The following PRKN variants were observed in gnomAD, a reference collection of about 807,000 sequenced individuals.
The protein encoded by PRKN is parkin RBR E3 ubiquitin protein ligase.
Under a neutral mutation model 59.5 loss-of-function variants are expected in PRKN, and 56 were observed. The observed-to-expected ratio is 0.94, with a 90% CI of 0.76 to 1.18. The LOEUF is 1.18. PRKN is among the 50% of genes most tolerant of loss of function. The pLI is 0.00. For missense variants in PRKN, 657 were observed against 596.4 expected, an observed-to-expected ratio of 1.10 and a Z score of -1.06; for synonymous variants, 250 against 222.1, an observed-to-expected ratio of 1.13 and a Z score of -1.12.
At chr6:162,452,079 G>A (rs1414533535) in intron 1 of PRKN, among the ~76,000 whole-genome samples, 1 of 152,076 alleles carries the variant, frequency 6.6e-6, no homozygotes, top group Admixed American at 6.6e-5. Flanking sequence ...AGAAGTGACG[G>A]CACAATATTA....
chr6:162,633,432 C>CAAAAAAAAAAAAAAAAAA (rs531688324), intron 1 of PRKN, among the ~76,000 whole-genome samples: 1 of 61,846 alleles, frequency 1.6e-5, no homozygotes, highest in Non-Finnish European at 2.7e-5. Context: ...AAGACTGTCT[C>CAAAAAAAAAAAAAAAAAA]AAAAAAAAAA....
At chr6:161,573,034 G>T (rs1177263122) in intron 7 of PRKN, among the ~76,000 whole-genome samples, 1 of 152,206 alleles carries the variant, frequency 6.6e-6, no homozygotes, top group South Asian at 2.1e-4. Flanking sequence ...TTCCTGAAAT[G>T]AGTGAGAAAA....
At chr6:162,300,737 C>G (rs901423388) in intron 2 of PRKN, among the ~76,000 whole-genome samples, 3 of 152,112 alleles carry the variant, frequency 2.0e-5, no homozygotes, top group Non-Finnish European at 2.9e-5. Flanking sequence ...ACAGGACCAA[C>G]TAACAGGCAA....
chr6:162,714,408 GA>G (rs1778649653), intron 1 of PRKN, among the ~76,000 whole-genome samples: 1 of 152,114 alleles, frequency 6.6e-6, no homozygotes, highest in South Asian at 2.1e-4. Flanking sequence ...AGCAGGCACT[GA>G]AACAAACCTG....
At chr6:162,604,011 CAG>C (rs1342273512) in intron 1 of PRKN, among the ~76,000 whole-genome samples, 3 of 152,136 alleles carry the variant, frequency 2.0e-5, no homozygotes, top group African/African-American at 4.8e-5. Context: ...CACTTTTCAG[CAG>C]AGTTATTAAC....
At chr6:162,091,892 C>T (rs778020687) in intron 4 of PRKN, among the ~76,000 whole-genome samples, 8 of 151,962 alleles carry the variant, frequency 5.3e-5, no homozygotes, top group East Asian at 3.9e-4. Flanking sequence ...AAATATTAGC[C>T]GGGCATGGTG....
chr6:161,704,303 A>T (rs1297268929), intron 7 of PRKN, among the ~76,000 whole-genome samples: 1 of 152,008 alleles, frequency 6.6e-6, no homozygotes, highest in Non-Finnish European at 1.5e-5. Context: ...TTTTCCCCCC[A>T]TGAATCAGAC....
chr6:162,222,746 T>C (rs926228430), intron 3 of PRKN, among the ~76,000 whole-genome samples: 4 of 152,086 alleles, frequency 2.6e-5, no homozygotes, highest in East Asian at 1.9e-4. Context: ...TAAATGGGTG[T>C]CGTTTAAAGC....
At chr6:162,147,344 GAAAA>G (rs767653516) in intron 4 of PRKN, among the ~76,000 whole-genome samples, 5 of 42,062 alleles carry the variant, frequency 1.2e-4, no homozygotes, top group African/African-American at 3.1e-4. Context: ...CTCTGTCTCA[GAAAA>G]AAAAAAAAAA....
intron 5 of PRKN, among the ~76,000 whole-genome samples, chr6:161,974,169 A>G (rs1157242153): frequency 6.6e-6 from 1 of 151,838 alleles, no homozygotes; most frequent in African/African-American, 2.4e-5. Flanking sequence ...CGAGAGGCTG[A>G]GGCAGGAAAT....
intron 6 of PRKN, among the ~76,000 whole-genome samples, chr6:161,803,549 C>G (rs980061146): frequency 1.3e-5 from 2 of 152,210 alleles, no homozygotes; most frequent in African/African-American, 4.8e-5. Context: ...GAAACATCCA[C>G]ATTCACTGCC....
At chr6:161,956,934 C>G (rs1780191247) in intron 6 of PRKN, among the ~76,000 whole-genome samples, 1 of 152,110 alleles carries the variant, frequency 6.6e-6, no homozygotes, top group Non-Finnish European at 1.5e-5. Flanking sequence ...AGTGTTGTCA[C>G]CGGCATTCCT....
chr6:162,584,024 T>C lies in PRKN; in HGVS notation c.8-140551A>G, dbSNP rs568020967. On this transcript the variant is annotated intron_variant, in intron 1 of 11. Transcript: ENST00000366898. ...GTCAGGAGATCAAGACCATCCTGGC[T>C]AACACGGTGAAACCCCCTCTCTACT... is the stretch of plus-strand genomic sequence containing the variant. 1.2e-4 allele frequency among the ~76,000 whole-genome samples: 18 copies of C among 151,968 alleles called. No homozygotes were observed. The South Asian group carries it at 3.5e-3, about 30-fold the overall frequency.
At chr6:161,664,262 G>A (rs567432451) in intron 7 of PRKN, among the ~76,000 whole-genome samples, 17 of 152,236 alleles carry the variant, frequency 1.1e-4, no homozygotes, top group Non-Finnish European at 1.9e-4. Flanking sequence ...TCCCTCTCAC[G>A]GTTTAAATGT....
chr6:162,599,863 T>G (rs1009810172), intron 1 of PRKN, among the ~76,000 whole-genome samples: 4 of 152,248 alleles, frequency 2.6e-5, no homozygotes, highest in African/African-American at 9.6e-5. Context: ...TATACTTCAC[T>G]AGTTTCTAAA....
chr6:162,047,194 C>T (rs1784286888), intron 5 of PRKN, among the ~76,000 whole-genome samples: 1 of 152,196 alleles, frequency 6.6e-6, no homozygotes, highest in Non-Finnish European at 1.5e-5. Context: ...CATTTCTCTT[C>T]AGCCAAACAC....
intron 6 of PRKN, among the ~76,000 whole-genome samples, chr6:161,839,647 T>G (rs1158961447): frequency 6.6e-6 from 1 of 152,190 alleles, no homozygotes; most frequent in Non-Finnish European, 1.5e-5. Flanking sequence ...CCCTTGATTT[T>G]TCTTGAATCA....
chr6:162,573,719 C>T (rs146757606), intron 1 of PRKN, among the ~76,000 whole-genome samples: 2 of 152,232 alleles, frequency 1.3e-5, no homozygotes, highest in African/African-American at 4.8e-5. Context: ...AGCATCTTTC[C>T]GTACTTTTCT....
chr6:161,961,333 G>A (rs775055283), intron 6 of PRKN, among the ~76,000 whole-genome samples: 30 of 152,164 alleles, frequency 2.0e-4, no homozygotes, highest in Non-Finnish European at 3.5e-4. Flanking sequence ...CAGCAGAAAC[G>A]GAAGCTACGT....
Sources: gnomAD v4.1 joint callset for allele counts (sites outside exome capture counted in the v4.1 genomes callset) on GRCh38, gnomAD v4.1.1 for gene constraint, MANE v1.5 for transcripts, NCBI Gene and HGNC (gene_info 2026-07-23, HGNC 2026-07-21) for gene names.